CADM2: variants seen among roughly 807,000 people sequenced by gnomAD.
CADM2 encodes the protein cell adhesion molecule 2, also known as immunoglobulin superfamily member 4D.
Under a neutral mutation model 49.8 loss-of-function variants are expected in CADM2, and 12 were observed. The observed-to-expected ratio is 0.24, with a 90% CI of 0.15 to 0.39. The LOEUF (loss-of-function observed/expected upper bound fraction) is 0.39. Among genes scored for constraint, CADM2 ranks in the 10% least tolerant of loss-of-function variants. CADM2 has a pLI of 1.00. For missense variants in CADM2, 378 were observed against 492.3 expected (o/e 0.77, Z 2.20); for synonymous variants, 214 against 175.4 (o/e 1.22, Z -1.74).
At chr3:86,016,209 G>A (rs1252689484) in intron 8 of CADM2, among the ~76,000 whole-genome samples, 1 of 151,878 alleles carries the variant, frequency 6.6e-6, no homozygotes, top group Non-Finnish European at 1.5e-5. Flanking sequence ...GTATATTAGG[G>A]TGAAACAAGT....
chr3:85,353,533 G>C (rs1576402658), intron 1 of CADM2, among the ~76,000 whole-genome samples: 3 of 150,348 alleles, frequency 2.0e-5, no homozygotes, highest in Admixed American at 6.6e-5. Flanking sequence ...TTCTTTAGTT[G>C]ATGGTTTCTT....
At chr3:85,432,352 G>A (rs1012777946) in intron 1 of CADM2, among the ~76,000 whole-genome samples, 1 of 151,866 alleles carries the variant, frequency 6.6e-6, no homozygotes, top group Non-Finnish European at 1.5e-5. Flanking sequence ...GGGAGGGAGC[G>A]ACCAAAAATA....
intron 1 of CADM2, among the ~76,000 whole-genome samples, chr3:85,209,543 A>C (rs1052999767): frequency 3.4e-4 from 51 of 152,160 alleles, no homozygotes; most frequent in African/African-American, 1.2e-3. Flanking sequence ...TTTAAAATGC[A>C]TTGATATTAC....
intron 2 of CADM2, among the ~76,000 whole-genome samples, chr3:85,745,370 A>G (rs2068572818): frequency 2.6e-5 from 4 of 152,078 alleles, no homozygotes; most frequent in African/African-American, 4.8e-5. Context: ...TTTATTTCCT[A>G]GTTGACCATA....
intron 1 of CADM2, among the ~76,000 whole-genome samples, chr3:85,108,727 AATAG>A (rs1205056333): frequency 3.3e-5 from 5 of 152,308 alleles, no homozygotes; most frequent in African/African-American, 9.6e-5. Context: ...CAGATTAAGA[AATAG>A]ATAGAAGGGA....
intron 1 of CADM2, among the ~76,000 whole-genome samples, chr3:85,609,120 C>T (rs1377688860): frequency 1.3e-5 from 2 of 151,942 alleles, no homozygotes; most frequent in Non-Finnish European, 2.9e-5. Context: ...TAGCAGATCT[C>T]CCATTTCCTC....
chr3:85,801,662 G>A (rs952805838), intron 2 of CADM2, among the ~76,000 whole-genome samples: 2 of 152,062 alleles, frequency 1.3e-5, no homozygotes, highest in African/African-American at 2.4e-5. Flanking sequence ...TTCCTCTACT[G>A]CTTTAGAGAG....
chr3:85,968,584 T>TA lies in CADM2; in HGVS notation c.970+6944dup, dbSNP rs1184305983. Among the ~76,000 whole-genome samples the TA allele has an allele frequency of 2.0e-5, 3 of 151,574 alleles. No homozygotes were observed. In the Admixed American group the frequency reaches 2.0e-4, roughly 10 times the overall value. ...TTCTATCACTAAACAATTTCATCAT[T>TA]AAAAAAATATTTTCTCAACTTATTT... On this transcript the variant is annotated intron_variant, in intron 8 of 9. Coordinates refer to ENST00000383699, the MANE Select transcript of CADM2 (RefSeq NM_001167675.2).
chr3:85,883,457 A>T lies in CADM2; in HGVS notation c.391+14A>T. ...TCACCGTTCTGGGTAAGTGCAAGGG[A>T]CTAACACCATGTAATCACAAAACCA... On this transcript the variant is annotated intron_variant, in intron 4 of 9. Transcript: ENST00000383699. 2 of 1,589,514 alleles carry T rather than the reference A, an allele frequency of 1.3e-6. No homozygotes were observed. The highest frequency in any genetic ancestry group is 1.1e-5 in the South Asian group (1 of 87,856).
At chr3:85,939,690 G>T (rs1277362130) in intron 7 of CADM2, among the ~76,000 whole-genome samples, 1 of 151,022 alleles carries the variant, frequency 6.6e-6, no homozygotes, top group African/African-American at 2.4e-5. Flanking sequence ...TTCTGTAAAA[G>T]AAAATAATTA....
chr3:84,981,863 TGC>T (rs1478085002), intron 1 of CADM2, among the ~76,000 whole-genome samples: 1 of 152,214 alleles, frequency 6.6e-6, no homozygotes, highest in East Asian at 1.9e-4. Context: ...TGGGAACTGT[TGC>T]CAAAGTCTAC....
intron 2 of CADM2, among the ~76,000 whole-genome samples, chr3:85,727,769 A>G (rs2029052): frequency 0.21 from 32,494 of 152,040 alleles, 4,219 homozygotes; most frequent in Middle Eastern, 0.29. Context: ...CACTGGAATC[A>G]TCAGAGACCA....
Position 84,959,654 on chromosome 3 carries a change from G to C in CADM2, c.47G>C (p.Gly16Ala). 4 of 1,537,022 alleles carry C rather than the reference G, an allele frequency of 2.6e-6. No homozygotes were observed. Among genetic ancestry groups the C allele is most frequent in the Non-Finnish European group, 3.5e-6 (4 of 1,146,864 alleles). ...GTTCTCCGCTTCTACAGTGTCTGCG[G>C]GCTCCTGCTACAAGGTAATCCCCGC... The part of the protein sequence containing the change: ...SAVLRFYSVC[G>A]LLLQAAASKN... Residue 16 changes from glycine (G) to alanine (A), a missense_variant, in exon 1 of 10, where the codon GGG becomes GCG. Transcript: ENST00000383699.
At chr3:85,393,725 G>A (rs764277429) in intron 1 of CADM2, among the ~76,000 whole-genome samples, 1 of 151,924 alleles carries the variant, frequency 6.6e-6, no homozygotes, top group Non-Finnish European at 1.5e-5. Flanking sequence ...GAGATAGATC[G>A]TAACCCCTTT....
intron 1 of CADM2, among the ~76,000 whole-genome samples, chr3:85,070,188 C>A (rs1370928515): frequency 6.6e-6 from 1 of 151,754 alleles, no homozygotes; most frequent in Admixed American, 6.6e-5. Flanking sequence ...GCACTTTTTT[C>A]TTTTCCCAGT....
At chr3:85,840,761 A>C (rs2074605960) in intron 3 of CADM2, among the ~76,000 whole-genome samples, 1 of 151,896 alleles carries the variant, frequency 6.6e-6, no homozygotes, top group Non-Finnish European at 1.5e-5. Flanking sequence ...CATGCAAGAT[A>C]TATTTATGGC....
intron 8 of CADM2, among the ~76,000 whole-genome samples, chr3:85,976,641 A>G (rs1179898830): frequency 1.3e-5 from 2 of 151,620 alleles, no homozygotes; most frequent in Non-Finnish European, 3.0e-5. Context: ...GTAGTTAAAA[A>G]CATGTAACAG....
chr3:85,419,617 A>T (rs1270130226), intron 1 of CADM2, among the ~76,000 whole-genome samples: 2 of 152,100 alleles, frequency 1.3e-5, no homozygotes, highest in Non-Finnish European at 2.9e-5. Flanking sequence ...GAATAAAGAG[A>T]CCCATTTTTC....
At chr3:85,975,075 C>T (rs1415125130) in intron 8 of CADM2, among the ~76,000 whole-genome samples, 1 of 151,178 alleles carries the variant, frequency 6.6e-6, no homozygotes, top group Non-Finnish European at 1.5e-5. Flanking sequence ...CCAGGATTTA[C>T]ATAAAATGTG....
Sources: gnomAD v4.1 joint callset for allele counts (sites outside exome capture counted in the v4.1 genomes callset) on GRCh38, gnomAD v4.1.1 for gene constraint, MANE v1.5 for transcripts, NCBI Gene and HGNC (gene_info 2026-07-23, HGNC 2026-07-21) for gene names.